Variants in FAM222B observed in about 807,000 individuals in gnomAD.
The protein encoded by FAM222B is family with sequence similarity 222 member B.
In FAM222B, 12 loss-of-function variants were observed where a neutral mutation model predicts 38.0. The ratio of observed to expected loss-of-function variants is 0.32; its 90% CI spans 0.20 to 0.51. FAM222B has a LOEUF of 0.51. FAM222B is among the 20% of genes least tolerant of loss of function. The probability of loss-of-function intolerance (pLI) is 0.97; values close to 1 mark genes in which losing one functional copy is unlikely to be tolerated. For synonymous variants in FAM222B, 329 were observed against 317.2 expected, an observed-to-expected ratio of 1.04 and a Z score of -0.40; for missense variants, 716 against 754.2, an observed-to-expected ratio of 0.95 and a Z score of 0.59.
chr17:28,849,733 C>T (rs2039168774), intron 1 of FAM222B: 1 of 152,020 alleles, frequency 6.6e-6, no homozygotes, highest in Admixed American at 6.6e-5. Flanking sequence ...CTTCAAGCTA[C>T]CACTCTCTCC....
chr17:28,768,631 G>C (rs1403104638), intron 1 of FAM222B, among the ~76,000 whole-genome samples: 1 of 152,008 alleles, frequency 6.6e-6, no homozygotes, highest in African/African-American at 2.4e-5. Flanking sequence ...GAGGTCAGGA[G>C]TTCGAGAACA....
rs145437935 is a variant in FAM222B at position 28,823,319 on chromosome 17, G to A, written c.-41+19363C>T. Among the ~76,000 whole-genome samples, 374 of 150,814 alleles carry A rather than the reference G, an allele frequency of 2.5e-3. 1 individual carries two copies. Among genetic ancestry groups the A allele is most frequent in the African/African-American group, 8.8e-3 (360 of 40,996 alleles). On this transcript the variant is annotated intron_variant, in intron 1 of 2. Coordinates refer to ENST00000581407, the MANE Select transcript of FAM222B (RefSeq NM_001077498.3). The stretch of plus-strand genomic sequence containing the variant: ...AATCCTGTGAGTACTTCTCTGTTAC[G>A]TGACCTCTATATAGCATTCAACAGA...
chr17:28,786,987 C>T (rs565891005), intron 1 of FAM222B, among the ~76,000 whole-genome samples: 101 of 143,156 alleles, frequency 7.1e-4, no homozygotes, highest in Non-Finnish European at 1.3e-3. Flanking sequence ...TGCAGTGGTG[C>T]GATCTCCGCT....
chr17:28,789,887 A>G (rs1188260860), intron 1 of FAM222B, among the ~76,000 whole-genome samples: 2 of 152,228 alleles, frequency 1.3e-5, no homozygotes, highest in Non-Finnish European at 2.9e-5. Flanking sequence ...AGAAGTTTAC[A>G]CAGTAGAAAT....
intron 1 of FAM222B, among the ~76,000 whole-genome samples, chr17:28,815,478 T>C (rs1366777071): frequency 6.6e-6 from 1 of 151,814 alleles, no homozygotes; most frequent in East Asian, 2.0e-4. Flanking sequence ...CTTCCCAAAG[T>C]GCTGGGATTA....
At chr17:28,818,404 T>G (rs553207788) in intron 1 of FAM222B, among the ~76,000 whole-genome samples, 80 of 151,932 alleles carry the variant, frequency 5.3e-4, no homozygotes, top group African/African-American at 1.8e-3. Flanking sequence ...GGTGGGCACC[T>G]GCAGTCCCAG....
chr17:28,810,869 C>T (rs1260184307), intron 1 of FAM222B, among the ~76,000 whole-genome samples: 2 of 152,106 alleles, frequency 1.3e-5, no homozygotes, highest in African/African-American at 4.8e-5. Context: ...TCCCAAATTG[C>T]TCCTAATTGT....
chr17:28,805,465 G>T (rs2037443418), intron 1 of FAM222B, among the ~76,000 whole-genome samples: 1 of 152,044 alleles, frequency 6.6e-6, no homozygotes, highest in African/African-American at 2.4e-5. Context: ...AACCCAGGAG[G>T]TGGAGGTTAC....
At chr17:28,835,411 A>G (rs540464249) in intron 1 of FAM222B, among the ~76,000 whole-genome samples, 23 of 152,228 alleles carry the variant, frequency 1.5e-4, no homozygotes, top group African/African-American at 5.3e-4. Flanking sequence ...GACATAACAC[A>G]TGGTAGACAC....
At chr17:28,806,183 T>C (rs1185710397) in intron 1 of FAM222B, among the ~76,000 whole-genome samples, 1 of 152,100 alleles carries the variant, frequency 6.6e-6, no homozygotes, top group Admixed American at 6.6e-5. Context: ...GAGAATATCT[T>C]TGGATTGATT....
At chr17:28,814,400 A>G (rs928908465) in intron 1 of FAM222B, among the ~76,000 whole-genome samples, 4 of 152,196 alleles carry the variant, frequency 2.6e-5, no homozygotes, top group Admixed American at 6.5e-5. Flanking sequence ...AACATTTCAT[A>G]TATAACAACC....
At chr17:28,769,681 C>T (rs2035529277) in intron 1 of FAM222B, among the ~76,000 whole-genome samples, 1 of 152,206 alleles carries the variant, frequency 6.6e-6, no homozygotes, top group African/African-American at 2.4e-5. Context: ...CTAACATGGA[C>T]CCCAAGGCCC....
At chr17:28,806,921 C>T (rs2037520606) in intron 1 of FAM222B, among the ~76,000 whole-genome samples, 1 of 152,080 alleles carries the variant, frequency 6.6e-6, no homozygotes, top group African/African-American at 2.4e-5. Context: ...TAATCACAGG[C>T]CATTAGTTTT....
rs765940574 is a variant in FAM222B, at chr17:28,758,782, C to T, written c.1177G>A (p.Ala393Thr). 6.3e-7 allele frequency: 1 copy of T among 1,575,624 alleles called. No individual in the cohort carries two copies. Among genetic ancestry groups the T allele is most frequent in the Non-Finnish European group, 8.6e-7 (1 of 1,159,222 alleles). Reference protein sequence around the residue: ...TPAPGLTGKHAAGRELAGPGF... With the variant: ...TPAPGLTGKHTAGRELAGPGF... ...GGCCCTGCCAACTCGCGTCCTGCCG[C>T]ATGCTTGCCTGTCAGGCCAGGGGCT... is the stretch of plus-strand genomic sequence containing the variant. Residue 393 changes from alanine to threonine, a missense_variant, in exon 3 of 3, where the codon GCG (alanine) becomes ACG (threonine). Coordinates refer to ENST00000581407, the MANE Select transcript of FAM222B (RefSeq NM_001077498.3).
rs1372631087 is a variant in FAM222B, at chr17:28,758,334, C to T, written c.1625G>A (p.Gly542Asp). The T allele has an allele frequency of 1.2e-6, 2 of 1,611,250 alleles. No homozygotes were observed. Among genetic ancestry groups the T allele is most frequent in the Non-Finnish European group, 1.7e-6 (2 of 1,178,872 alleles). ...CTCTGTGGGATCGGGGGCTCGGTTGCCAGGGGCTCGGTGGGCCTTGCTCAG... is the reference window on the plus strand; with the variant it reads ...CTCTGTGGGATCGGGGGCTCGGTTGTCAGGGGCTCGGTGGGCCTTGCTCAG... Reference protein sequence around the residue: ...AMLSKAHRAPGNRAPDPTESR... With the variant: ...AMLSKAHRAPDNRAPDPTESR... Residue 542 changes from glycine to aspartate, a missense_variant, in exon 3 of 3, where the codon GGC (glycine) becomes GAC (aspartate). Gly to Asp is a moderately conservative substitution (Grantham distance 94). Transcript: ENST00000581407.
intron 1 of FAM222B, among the ~76,000 whole-genome samples, chr17:28,833,089 G>A (rs911134704): frequency 6.6e-6 from 1 of 151,662 alleles, no homozygotes; most frequent in African/African-American, 2.4e-5. Context: ...TTGGGAGGCT[G>A]AGGCAGGCGG....
At chr17:28,811,450 A>G (rs535955862) in intron 1 of FAM222B, among the ~76,000 whole-genome samples, 14 of 152,118 alleles carry the variant, frequency 9.2e-5, no homozygotes, top group Non-Finnish European at 1.9e-4. Flanking sequence ...AAAAACAAAA[A>G]CAAAAACAAA....
chr17:28,834,018 G>A (rs1442184469), intron 1 of FAM222B, among the ~76,000 whole-genome samples: 1 of 152,150 alleles, frequency 6.6e-6, no homozygotes, highest in African/African-American at 2.4e-5. Context: ...GTCCATGCCA[G>A]CAATTTCAAC....
chr17:28,818,159 G>C lies in FAM222B; in HGVS notation c.-41+24523C>G, dbSNP rs2038089872. On this transcript the variant is annotated intron_variant, in intron 1 of 2. Coordinates refer to ENST00000581407, the MANE Select transcript of FAM222B (RefSeq NM_001077498.3). ...GGATCATTTGAGCCCAGGAGTAAGA[G>C]TTCAAGGTTATAGTGAGCTATGATC... 2.0e-5 allele frequency among the ~76,000 whole-genome samples: 3 copies of C among 151,954 alleles called. No homozygotes were observed. The South Asian group carries it at 6.2e-4, about 32-fold the overall frequency.
Sources: allele counts gnomAD v4.1 joint callset (sites outside exome capture counted in the v4.1 genomes callset), GRCh38; gene constraint gnomAD v4.1.1; transcripts MANE v1.5; gene names NCBI Gene and HGNC (gene_info 2026-07-23, HGNC 2026-07-21).